Variants in RBMS3 observed in about 807,000 individuals in gnomAD.
The protein encoded by RBMS3 is RNA binding motif single stranded interacting protein 3.
In RBMS3, 27 loss-of-function variants were observed where a neutral mutation model predicts 66.8. That is an observed-to-expected ratio of 0.40 (90% CI 0.30 to 0.56). The LOEUF (loss-of-function observed/expected upper bound fraction) is 0.56. Ranked by LOEUF, RBMS3 falls within the 20% of genes least tolerant of loss-of-function variation. The probability of loss-of-function intolerance (pLI) is 0.40; values close to 1 mark genes in which losing one functional copy is unlikely to be tolerated. For synonymous variants in RBMS3, 188 were observed against 183.0 expected (o/e 1.03, Z -0.22); for missense variants, 513 against 549.5 (o/e 0.93, Z 0.66).
intron 12 of RBMS3, among the ~76,000 whole-genome samples, chr3:29,968,793 G>C (rs371308238): frequency 1.2e-4 from 19 of 152,224 alleles, no homozygotes; most frequent in African/African-American, 3.9e-4. Context: ...TCGATCTAGA[G>C]CTAAAATTCA....
intron 1 of RBMS3, among the ~76,000 whole-genome samples, chr3:29,301,972 G>A (rs913845933): frequency 1.3e-5 from 2 of 151,878 alleles, no homozygotes; most frequent in African/African-American, 4.8e-5. Flanking sequence ...TTCACACAAA[G>A]ACATATCCAT....
intron 4 of RBMS3, among the ~76,000 whole-genome samples, chr3:29,701,963 C>T (rs1446393719): frequency 6.6e-6 from 1 of 152,194 alleles, no homozygotes; most frequent in African/African-American, 2.4e-5. Flanking sequence ...CTGCCCGCGG[C>T]CGTGGCGCGG....
At chr3:29,882,607 A>C (rs2059761938) in intron 7 of RBMS3, among the ~76,000 whole-genome samples, 1 of 152,018 alleles carries the variant, frequency 6.6e-6, no homozygotes, top group African/African-American at 2.4e-5. Context: ...AATCTTCATA[A>C]TAATTTAAAA....
At chr3:29,655,179 G>A (rs79148001) in intron 4 of RBMS3, among the ~76,000 whole-genome samples, 2,179 of 152,262 alleles carry the variant, frequency 0.014, 38 homozygotes, top group African/African-American at 0.042. Flanking sequence ...ATCTGGTTAA[G>A]CTCTTCTCCC....
chr3:29,701,622 C>A (rs2052583713), intron 4 of RBMS3, among the ~76,000 whole-genome samples: 1 of 152,102 alleles, frequency 6.6e-6, no homozygotes, highest in African/African-American at 2.4e-5. Context: ...CGTTCACGGC[C>A]CTGTGTGAGT....
intron 1 of RBMS3, among the ~76,000 whole-genome samples, chr3:29,302,023 T>A (rs1036645754): frequency 6.6e-6 from 1 of 152,054 alleles, no homozygotes; most frequent in Non-Finnish European, 1.5e-5. Context: ...TTTAAAAAGT[T>A]TTTTTGAAGA....
chr3:29,617,106 A>G (rs1239283668), intron 4 of RBMS3: 2 of 152,228 alleles, frequency 1.3e-5, no homozygotes, highest in Non-Finnish European at 2.9e-5. Context: ...CATCAAAGTC[A>G]CTTAACTTGT....
At chr3:29,639,358 A>C (rs558352468) in intron 4 of RBMS3, among the ~76,000 whole-genome samples, 2 of 152,040 alleles carry the variant, frequency 1.3e-5, no homozygotes, top group Admixed American at 1.3e-4. Context: ...TACCAAATCA[A>C]AATATCCAAG....
rs71091081 is a variant in RBMS3, at chr3:29,853,423, C to CTTTTTTTTTTTTTTTT, written c.638-15428_638-15413dup. On this transcript the variant is annotated intron_variant, in intron 6 of 14. Coordinates refer to ENST00000383767, the MANE Select transcript of RBMS3 (RefSeq NM_001003793.3). ...TGTATCTTAAGCTACAATTTACTTTCTTTTTTTTTTTTTTTTTTTTTTGCA... is the reference window on the plus strand; with the variant it reads ...TGTATCTTAAGCTACAATTTACTTTCTTTTTTTTTTTTTTTTTTTTTTTTTTTTTTTTTTTTTTGCA... Among the ~76,000 whole-genome samples, 14 of 84,526 alleles carry CTTTTTTTTTTTTTTTT rather than the reference C, an allele frequency of 1.7e-4. 1 individual carries two copies. Among genetic ancestry groups the CTTTTTTTTTTTTTTTT allele is most frequent in the African/African-American group, 6.5e-4 (12 of 18,406 alleles). 55.5% of individuals were successfully genotyped at this position (84,526 alleles called of 152,430 possible). A position where few individuals can be genotyped will look rare whatever the true frequency, so the allele number is the denominator to read the frequency against.
At chr3:29,563,119 G>C (rs1229005611) in intron 3 of RBMS3, among the ~76,000 whole-genome samples, 1 of 152,142 alleles carries the variant, frequency 6.6e-6, no homozygotes, top group Non-Finnish European at 1.5e-5. Flanking sequence ...TAAACCTCTA[G>C]AATAGCAGGT....
At chr3:29,493,508 C>T (rs1415028150) in intron 3 of RBMS3, among the ~76,000 whole-genome samples, 1 of 152,106 alleles carries the variant, frequency 6.6e-6, no homozygotes, top group East Asian at 1.9e-4. Context: ...TCTCCTGTTA[C>T]TTTTGTATAA....
chr3:29,614,637 T>C (rs1311124607), intron 4 of RBMS3: 1 of 152,092 alleles, frequency 6.6e-6, no homozygotes, highest in Admixed American at 6.6e-5. Flanking sequence ...GAACAACTGG[T>C]TGAAAACTGT....
At chr3:29,810,225 T>G (rs2057691728) in intron 6 of RBMS3, among the ~76,000 whole-genome samples, 1 of 152,094 alleles carries the variant, frequency 6.6e-6, no homozygotes, top group African/African-American at 2.4e-5. Context: ...ACATGATGAG[T>G]AATATCTAAT....
chr3:29,602,775 T>C (rs529197176), intron 4 of RBMS3, among the ~76,000 whole-genome samples: 11 of 152,014 alleles, frequency 7.2e-5, no homozygotes, highest in Non-Finnish European at 1.2e-4. Flanking sequence ...CTTAACATCT[T>C]ATTCCTATCT....
intron 1 of RBMS3, among the ~76,000 whole-genome samples, chr3:29,377,118 G>A (rs11129366): frequency 0.77 from 116,018 of 151,444 alleles, 45,145 homozygotes; most frequent in East Asian, 0.9. Context: ...AGCAAAGAAA[G>A]AAAAGGCACA....
chr3:29,461,984 G>A (rs2042388049), intron 2 of RBMS3, among the ~76,000 whole-genome samples: 2 of 132,682 alleles, frequency 1.5e-5, no homozygotes, highest in Admixed American at 1.8e-4. Context: ...CACCGTGTTA[G>A]CCAGGATGGT....
intron 1 of RBMS3, among the ~76,000 whole-genome samples, chr3:29,282,879 C>A (rs986255143): frequency 1.3e-5 from 2 of 152,112 alleles, no homozygotes; most frequent in Admixed American, 6.6e-5. Flanking sequence ...TATTTGTAAA[C>A]CAGACTGGGA....
intron 5 of RBMS3, among the ~76,000 whole-genome samples, chr3:29,752,028 C>T (rs893441492): frequency 1.3e-5 from 2 of 152,194 alleles, no homozygotes; most frequent in Non-Finnish European, 2.9e-5. Context: ...GTGTGACAGC[C>T]TCTTCCCCCT....
At chr3:29,531,195 A>G (rs965879208) in intron 3 of RBMS3, among the ~76,000 whole-genome samples, 1 of 152,346 alleles carries the variant, frequency 6.6e-6, no homozygotes, top group Non-Finnish European at 1.5e-5. Context: ...TCAAACGTCT[A>G]CAAAACAGGA....
Sources: gnomAD v4.1 joint callset for allele counts (sites outside exome capture counted in the v4.1 genomes callset) on GRCh38, gnomAD v4.1.1 for gene constraint, MANE v1.5 for transcripts, NCBI Gene and HGNC (gene_info 2026-07-23, HGNC 2026-07-21) for gene names.